The following C8orf34 variants were observed in gnomAD, a reference collection of about 807,000 sequenced individuals.
The protein encoded by C8orf34 is chromosome 8 open reading frame 34.
C8orf34 carries 65 observed loss-of-function variants against 68.3 expected under a neutral mutation model. The observed-to-expected ratio is 0.95, with a 90% CI of 0.78 to 1.17. The LOEUF (loss-of-function observed/expected upper bound fraction) is 1.17, where lower values mean the gene tolerates loss of function less well. C8orf34 is among the 50% of genes most tolerant of loss of function. C8orf34 has a pLI of 0.00. For synonymous variants in C8orf34, 244 were observed against 241.2 expected (o/e 1.01, Z -0.11); for missense variants, 664 against 655.4 (o/e 1.01, Z -0.14).
rs531026729 is a variant in C8orf34 at position 68,818,530 on chromosome 8, T to C, written c.*284T>C. 3.2e-6 allele frequency: 1 copy of C among 312,170 alleles called. No individual in the cohort carries two copies. The highest frequency in any genetic ancestry group is 1.3e-4 in the South Asian group (1 of 7,462). The allele number at this position is 312,170 out of a possible 1,614,324, so 19.3% of individuals were successfully genotyped here. ...TATAAATAGTTATTAAGATTAATAT[T>C]TGATATATTAAATATTGCCTGATTC... On this transcript the variant is annotated 3_prime_UTR_variant, in exon 14 of 14. Coordinates refer to ENST00000518698, the MANE Select transcript of C8orf34 (RefSeq NM_052958.4).
At chr8:68,475,929 G>A (rs1812596609) in intron 4 of C8orf34, among the ~76,000 whole-genome samples, 1 of 152,186 alleles carries the variant, frequency 6.6e-6, no homozygotes, top group South Asian at 2.1e-4. Context: ...AAGGAAAAGA[G>A]AGCCCAGCTG....
At chr8:68,669,366 A>T (rs1819939029) in intron 8 of C8orf34, among the ~76,000 whole-genome samples, 1 of 152,206 alleles carries the variant, frequency 6.6e-6, no homozygotes, top group Non-Finnish European at 1.5e-5. Flanking sequence ...TCTTAAAAAA[A>T]TGATCCTTTA....
chr8:68,562,783 C>T (rs549597458), intron 7 of C8orf34, among the ~76,000 whole-genome samples: 5 of 152,146 alleles, frequency 3.3e-5, no homozygotes, highest in South Asian at 4.1e-4. Context: ...TCAGATTGGG[C>T]GATCCTTAAG....
intron 8 of C8orf34, among the ~76,000 whole-genome samples, chr8:68,690,589 C>T (rs756191072): frequency 1.3e-5 from 2 of 151,918 alleles, no homozygotes; most frequent in Admixed American, 6.6e-5. Flanking sequence ...TTCCCTTCCA[C>T]CTCTTCTATA....
At chr8:68,750,207 C>T (rs1731181931) in intron 10 of C8orf34, among the ~76,000 whole-genome samples, 1 of 152,032 alleles carries the variant, frequency 6.6e-6, no homozygotes, top group Non-Finnish European at 1.5e-5. Context: ...TAAACAAGAG[C>T]TGTAAATAAC....
intron 7 of C8orf34, among the ~76,000 whole-genome samples, chr8:68,565,472 G>A (rs1586382264): frequency 2.6e-5 from 4 of 152,224 alleles, no homozygotes; most frequent in African/African-American, 9.6e-5. Flanking sequence ...TTTCACCCCT[G>A]TTTCCAAGGA....
intron 5 of C8orf34, among the ~76,000 whole-genome samples, chr8:68,517,498 GCT>G (rs1814570113): frequency 6.6e-6 from 1 of 152,122 alleles, no homozygotes; most frequent in South Asian, 2.1e-4. Context: ...TCTGTTTGCA[GCT>G]CTTAGTATTG....
intron 8 of C8orf34, among the ~76,000 whole-genome samples, chr8:68,670,017 A>C (rs1051944406): frequency 1.3e-5 from 2 of 152,156 alleles, no homozygotes; most frequent in African/African-American, 4.8e-5. Context: ...TGGCTCATTC[A>C]TGATGATGGA....
intron 5 of C8orf34, among the ~76,000 whole-genome samples, chr8:68,494,771 A>T (rs1425080060): frequency 6.6e-6 from 1 of 151,808 alleles, no homozygotes; most frequent in East Asian, 1.9e-4. Flanking sequence ...CAGGAGAACC[A>T]CTTGAACACG....
intron 12 of C8orf34, among the ~76,000 whole-genome samples, chr8:68,794,510 T>A (rs1328389662): frequency 6.1e-4 from 77 of 125,878 alleles, no homozygotes; most frequent in African/African-American, 1.9e-3. Context: ...TATATATTTT[T>A]TTTTTTTTTT....
intron 8 of C8orf34, among the ~76,000 whole-genome samples, chr8:68,650,843 C>T (rs529166821): frequency 6.6e-6 from 1 of 152,216 alleles, no homozygotes; most frequent in Non-Finnish European, 1.5e-5. Flanking sequence ...CCTGGTTCTT[C>T]ACTATATACG....
intron 5 of C8orf34, among the ~76,000 whole-genome samples, chr8:68,490,847 TA>T (rs1490949035): frequency 1.6e-4 from 24 of 152,298 alleles, no homozygotes; most frequent in African/African-American, 4.8e-4. Flanking sequence ...GCCTGTCCCA[TA>T]GCACCCTCTG....
chr8:68,562,354 T>C (rs1278434259), intron 7 of C8orf34, among the ~76,000 whole-genome samples: 1 of 152,210 alleles, frequency 6.6e-6, no homozygotes, highest in East Asian at 1.9e-4. Flanking sequence ...CTCATTATCT[T>C]GTATGACTTT....
At chr8:68,725,894 TTTTA>T (rs1448424208) in intron 10 of C8orf34, among the ~76,000 whole-genome samples, 1 of 152,126 alleles carries the variant, frequency 6.6e-6, no homozygotes, top group Non-Finnish European at 1.5e-5. Context: ...CAATATCTTT[TTTTA>T]TTTTTTTATT....
intron 7 of C8orf34, among the ~76,000 whole-genome samples, chr8:68,546,506 TA>T (rs894411158): frequency 1.3e-4 from 20 of 148,314 alleles, no homozygotes; most frequent in African/African-American, 4.0e-4. Flanking sequence ...CTGACAAAAC[TA>T]AAAAAAAAGA....
Position 68,682,154 on chromosome 8 carries a change from G to A in C8orf34, c.1242-26840G>A, listed in dbSNP as rs1039635479. Reference sequence around the variant, plus strand: ...TAGTCTGTAGTACTGTAGTACTGCTGTAGACTGTAGTACAACAATGATTTG... The same window carrying A: ...TAGTCTGTAGTACTGTAGTACTGCTATAGACTGTAGTACAACAATGATTTG... On this transcript the variant is annotated intron_variant, in intron 8 of 13. Transcript: ENST00000518698. Among the ~76,000 whole-genome samples, 3 of 152,196 alleles carry A rather than the reference G, an allele frequency of 2.0e-5. No homozygotes were observed. The East Asian group carries it at 5.8e-4, about 29-fold the overall frequency.
At chr8:68,440,449 C>T (rs1167263010) in intron 2 of C8orf34, among the ~76,000 whole-genome samples, 15 of 152,120 alleles carry the variant, frequency 9.9e-5, no homozygotes, top group East Asian at 3.9e-4. Flanking sequence ...CTTCTTGATA[C>T]CAGGTCCCAA....
chr8:68,576,762 A>C (rs1238074815), intron 7 of C8orf34, among the ~76,000 whole-genome samples: 2 of 152,016 alleles, frequency 1.3e-5, no homozygotes, highest in African/African-American at 2.4e-5. Context: ...AGAAACATTT[A>C]AATTTAAAAT....
At chr8:68,694,548 TA>T (rs1329453693) in intron 8 of C8orf34, among the ~76,000 whole-genome samples, 8 of 152,144 alleles carry the variant, frequency 5.3e-5, no homozygotes, top group Non-Finnish European at 1.2e-4. Context: ...TTAACAGCAA[TA>T]GCACTGTTAG....
Sources: gnomAD v4.1 joint callset for allele counts (sites outside exome capture counted in the v4.1 genomes callset) on GRCh38, gnomAD v4.1.1 for gene constraint, MANE v1.5 for transcripts, NCBI Gene and HGNC (gene_info 2026-07-23, HGNC 2026-07-21) for gene names.